Variants in PAQR5 observed in about 807,000 individuals in gnomAD.
The protein encoded by PAQR5 is progestin and adipoQ receptor family member 5.
A neutral mutation model predicts 34.5 loss-of-function variants in PAQR5; 20 were observed. The ratio of observed to expected loss-of-function variants is 0.58; its 90% CI spans 0.41 to 0.84. PAQR5 has a LOEUF of 0.84. Among genes scored for constraint, PAQR5 ranks in the 40% least tolerant of loss-of-function variants. The pLI, the probability that PAQR5 is intolerant of heterozygous loss-of-function variation, is 0.00. For synonymous variants in PAQR5, 131 were observed against 155.6 expected (o/e 0.84, Z 1.18); for missense variants, 378 against 412.7 (o/e 0.92, Z 0.73).
intron 3 of PAQR5, among the ~76,000 whole-genome samples, chr15:69,364,548 A>G (rs1318489238): frequency 6.7e-6 from 1 of 148,162 alleles, no homozygotes; most frequent in African/African-American, 2.5e-5. Flanking sequence ...TATATGTTAT[A>G]TATATATAAC....
At chr15:69,392,132 G>C in intron 6 of PAQR5, 1 of 71,156 alleles carries the variant, frequency 1.4e-5, no homozygotes, top group Non-Finnish European at 3.3e-5. Flanking sequence ...ACACTTGCTG[G>C]TTTTATTTTA....
chr15:69,397,642 C>G, intron 7 of PAQR5, 78 bp downstream of exon 7: 1 of 951,426 alleles, frequency 1.1e-6, no homozygotes, highest in Non-Finnish European at 1.7e-6. Context: ...TCTGGGGGGT[C>G]ACAGCACTGC....
intron 2 of PAQR5, among the ~76,000 whole-genome samples, chr15:69,352,852 G>A (rs181991622): frequency 5.9e-4 from 90 of 152,350 alleles, no homozygotes; most frequent in African/African-American, 2.1e-3. Context: ...TGGTGACAAG[G>A]AAATTTGGGG....
In PAQR5 at chr15:69,360,165, C is replaced by T. The variant is rs537108953; in HGVS notation, c.51+34C>T. 3.8e-6 allele frequency: 6 copies of T among 1,559,342 alleles called. No homozygotes were observed. The South Asian group carries it at 6.7e-5, about 17-fold the overall frequency. ...TCTATTGATTATGATGGTTCATTTC[C>T]AGAGTGTGACCAGGGCTTGGCCTCC... On this transcript the variant is annotated intron_variant, in intron 3 of 8. Transcript: ENST00000395407.
At chr15:69,318,514 C>T (rs992768600) in intron 1 of PAQR5, among the ~76,000 whole-genome samples, 1 of 152,008 alleles carries the variant, frequency 6.6e-6, no homozygotes, top group Non-Finnish European at 1.5e-5. Context: ...GACACTCTGC[C>T]CAGCTCAGAC....
intron 1 of PAQR5, among the ~76,000 whole-genome samples, chr15:69,300,134 T>G (rs956073231): frequency 6.6e-6 from 1 of 152,044 alleles, no homozygotes; most frequent in African/African-American, 2.4e-5. Context: ...GGTTTGTTTC[T>G]TTTACCCCAC....
Position 69,396,216 on chromosome 15 carries a change from C to T in PAQR5, c.513-1252C>T, listed in dbSNP as rs145043306. Among the ~76,000 whole-genome samples, 130 of 148,962 alleles carry T rather than the reference C, an allele frequency of 8.7e-4. 1 individual carries two copies. Among genetic ancestry groups the T allele is most frequent in the Middle Eastern group, 3.4e-3 (1 of 292 alleles). ...GGTCAGGTGGCTTTACTGGCTCATACGAGATATGAACAGCCTGGCCAGGTG... is the reference window on the plus strand; with the variant it reads ...GGTCAGGTGGCTTTACTGGCTCATATGAGATATGAACAGCCTGGCCAGGTG... On this transcript the variant is annotated intron_variant, in intron 6 of 8. Transcript: ENST00000395407.
chr15:69,384,791 C>G lies in PAQR5; in HGVS notation c.294C>G (p.Ser98=). ...MCTSCVYPLV[S]SCAHTFSSMS... ...CCAGCTGCGTGTACCCACTTGTGTC[C>G]AGCTGTGCGCACACCTTCAGCTCTA... Residue 98 remains serine (S), a synonymous_variant, in exon 5 of 9, where the codon TCC becomes TCG. Coordinates refer to ENST00000395407, the MANE Select transcript of PAQR5 (RefSeq NM_017705.4). 1 of 1,613,956 alleles carries G rather than the reference C, an allele frequency of 6.2e-7. No homozygotes were observed. The highest frequency in any genetic ancestry group is 8.5e-7 in the Non-Finnish European group (1 of 1,179,828).
At chr15:69,311,426 T>C (rs1396131132) in intron 1 of PAQR5, among the ~76,000 whole-genome samples, 1 of 152,152 alleles carries the variant, frequency 6.6e-6, no homozygotes, top group Non-Finnish European at 1.5e-5. Flanking sequence ...TGTTCTGACG[T>C]TTGCTTAGAT....
In PAQR5 at chr15:69,339,430, C is replaced by G. The variant is rs377382164; in HGVS notation, c.-116+1929C>G. Among the ~76,000 whole-genome samples, 22 of 152,224 alleles carry G rather than the reference C, an allele frequency of 1.4e-4. 1 individual carries two copies. The East Asian group carries it at 3.7e-3, about 25-fold the overall frequency. The stretch of plus-strand genomic sequence containing the variant: ...GGGTACCTGGCGGCCTTAGTCCCCC[C>G]ACAACAATCTTTTTGTTGTTGTTGT... On this transcript the variant is annotated intron_variant, in intron 2 of 8. Coordinates refer to ENST00000395407, the MANE Select transcript of PAQR5 (RefSeq NM_017705.4).
intron 3 of PAQR5, among the ~76,000 whole-genome samples, chr15:69,376,800 T>C (rs552497753): frequency 1.3e-5 from 2 of 152,316 alleles, no homozygotes; most frequent in African/African-American, 4.8e-5. Context: ...GGTCAAGTTG[T>C]CCAATGTATG....
intron 1 of PAQR5, among the ~76,000 whole-genome samples, chr15:69,331,911 G>A (rs545924685): frequency 3.9e-5 from 6 of 152,270 alleles, no homozygotes; most frequent in African/African-American, 1.4e-4. Context: ...CAGTAAAGTG[G>A]TTTATTTTTT....
chr15:69,302,005 T>C (rs76909122), intron 1 of PAQR5, among the ~76,000 whole-genome samples: 12,864 of 150,924 alleles, frequency 0.085, 1,051 homozygotes, highest in African/African-American at 0.21. Context: ...TGCATGGGCT[T>C]GAGCCCCAGT....
At chr15:69,372,112 AC>A (rs2055578584) in intron 3 of PAQR5, among the ~76,000 whole-genome samples, 1 of 152,252 alleles carries the variant, frequency 6.6e-6, no homozygotes, top group Admixed American at 6.5e-5. Flanking sequence ...AATCTAATTG[AC>A]AGCCTAATCA....
At chr15:69,388,509 C>A (rs2056171678) in intron 5 of PAQR5, among the ~76,000 whole-genome samples, 1 of 152,244 alleles carries the variant, frequency 6.6e-6, no homozygotes. Flanking sequence ...AGCTCCCTGG[C>A]TCTTGCATGG....
At chr15:69,382,294 G>A (rs550636550) in intron 4 of PAQR5, among the ~76,000 whole-genome samples, 125 of 152,178 alleles carry the variant, frequency 8.2e-4, no homozygotes, top group African/African-American at 2.8e-3. Flanking sequence ...TGAAGGAACC[G>A]GGAGTATTTA....
chr15:69,404,667 G>T lies in PAQR5; in HGVS notation c.*845G>T. On this transcript the variant is annotated 3_prime_UTR_variant, in exon 9 of 9. Transcript: ENST00000395407. ...AAACCAATGGAAATTGCTATATTTGGGGATGTCATACATTTGATATTGCTT... is the reference window on the plus strand; with the variant it reads ...AAACCAATGGAAATTGCTATATTTGTGGATGTCATACATTTGATATTGCTT... The T allele has an allele frequency of 3.1e-6, 1 of 323,446 alleles. No homozygotes were observed. Among genetic ancestry groups the T allele is most frequent in the Non-Finnish European group, 5.6e-6 (1 of 179,240 alleles). The allele number at this position is 323,446 out of a possible 1,614,324, so 20.0% of individuals were successfully genotyped here.
chr15:69,315,848 C>T (rs937973977), intron 1 of PAQR5, among the ~76,000 whole-genome samples: 1 of 152,124 alleles, frequency 6.6e-6, no homozygotes, highest in Non-Finnish European at 1.5e-5. Context: ...GAATCTTCCC[C>T]TCCAGCCCCT....
intron 1 of PAQR5, among the ~76,000 whole-genome samples, chr15:69,333,642 G>A (rs1345983052): frequency 2.0e-5 from 3 of 152,198 alleles, no homozygotes; most frequent in African/African-American, 7.2e-5. Flanking sequence ...TTCTCCCACA[G>A]TATTTCCCTC....
Sources: allele counts gnomAD v4.1 joint callset (sites outside exome capture counted in the v4.1 genomes callset), GRCh38; gene constraint gnomAD v4.1.1; transcripts MANE v1.5; gene names NCBI Gene and HGNC (gene_info 2026-07-23, HGNC 2026-07-21).